Variants in CST7 observed in about 807,000 individuals in gnomAD.
The protein encoded by CST7 is cystatin F.
In CST7, 15 loss-of-function variants were observed where a neutral mutation model predicts 13.1. The ratio of observed to expected loss-of-function variants is 1.14; its 90% CI spans 0.77 to 1.76. The LOEUF (loss-of-function observed/expected upper bound fraction) is 1.76, where lower values mean the gene tolerates loss of function less well. Among genes scored for constraint, CST7 ranks in the 40% most tolerant of loss-of-function variants. The probability of loss-of-function intolerance (pLI) is 0.00; values close to 1 mark genes in which losing one functional copy is unlikely to be tolerated. For missense variants in CST7, 193 were observed against 178.8 expected, an observed-to-expected ratio of 1.08 and a Z score of -0.45; for synonymous variants, 75 against 66.9, an observed-to-expected ratio of 1.12 and a Z score of -0.59.
intron 1 of CST7, among the ~76,000 whole-genome samples, chr20:24,953,688 C>A (rs975326043): frequency 6.6e-6 from 1 of 152,194 alleles, no homozygotes; most frequent in African/African-American, 2.4e-5. Context: ...CCCTCCCACC[C>A]CGCATTAGAA....
At chr20:24,957,197 A>G (rs2087863829) in intron 1 of CST7, 90 bp from the exon 2 acceptor site, 2 of 1,349,610 alleles carry the variant, frequency 1.5e-6, no homozygotes, top group East Asian at 4.6e-5. Flanking sequence ...GCCAGCAGAG[A>G]ACTGAGCATC....
At position 24,957,366 on chromosome 20, in the gene CST7, C is replaced by A. The variant is rs1265300162; in HGVS notation, c.150C>A (p.Leu50=). The change falls in exon 2 of 4, where the codon CTC becomes CTA. Residue 50 remains leucine, a synonymous_variant. Transcript: ENST00000480798. The stretch of plus-strand genomic sequence containing the variant: ...TAAAGACCAATGACCCAGGAGTCCT[C>A]CAAGCAGCCAGATACAGTGTTGAAA... ...KTIKTNDPGV[L]QAARYSVEKF... 6.2e-7 allele frequency: 1 copy of A among 1,613,680 alleles called. No homozygotes were observed. Among genetic ancestry groups the A allele is most frequent in the Admixed American group, 1.7e-5 (1 of 59,980 alleles).
At chr20:24,951,083 G>A (rs1476803683) in intron 1 of CST7, among the ~76,000 whole-genome samples, 1 of 152,132 alleles carries the variant, frequency 6.6e-6, no homozygotes, top group African/African-American at 2.4e-5. Flanking sequence ...TCATTTTCCT[G>A]GGTGGTGTTC....
chr20:24,957,240 G>T, intron 1 of CST7, 47 bp from the exon 2 acceptor site: 1 of 1,583,768 alleles, frequency 6.3e-7, no homozygotes, highest in Non-Finnish European at 8.6e-7. Context: ...CTGGACTGAA[G>T]GCCCCACTAA....
Position 24,949,393 on chromosome 20 carries a change from C to T in CST7, c.-113C>T. 1 of 1,599,446 alleles carries T rather than the reference C, an allele frequency of 6.3e-7. No individual in the cohort carries two copies. Among genetic ancestry groups the T allele is most frequent in the Non-Finnish European group, 8.5e-7 (1 of 1,172,048 alleles). ...GCCCCCACCTGCCCTGCGCCATCTA[C>T]CCAAGAAGGCTCGGCACGGGCACCA... On this transcript the variant is annotated 5_prime_UTR_variant, in exon 1 of 4. Transcript: ENST00000480798.
At chr20:24,953,738 T>C (rs2087835329) in intron 1 of CST7, among the ~76,000 whole-genome samples, 2 of 152,196 alleles carry the variant, frequency 1.3e-5, no homozygotes, top group Admixed American at 1.3e-4. Context: ...GGCAGGCTCC[T>C]GGTGCGAGCC....
intron 3 of CST7, among the ~76,000 whole-genome samples, chr20:24,959,391 T>A (rs2087881282): frequency 2.0e-5 from 3 of 152,128 alleles, no homozygotes; most frequent in Non-Finnish European, 2.9e-5. Flanking sequence ...ATCATATGTA[T>A]ATCATATATA....
At chr20:24,952,339 C>T (rs2087824927) in intron 1 of CST7, among the ~76,000 whole-genome samples, 1 of 152,206 alleles carries the variant, frequency 6.6e-6, no homozygotes, top group Non-Finnish European at 1.5e-5. Context: ...AATTCAAACT[C>T]CGGGTGTGTC....
chr20:24,954,898 A>AT (rs895114658), intron 1 of CST7, among the ~76,000 whole-genome samples: 9 of 152,134 alleles, frequency 5.9e-5, no homozygotes, highest in Admixed American at 5.9e-4. Context: ...AAAAATAATT[A>AT]TTTTTTGTTA....
At position 24,957,443 on chromosome 20, in the gene CST7, C is replaced by T; in HGVS notation, c.227C>T (p.Thr76Ile). Residue 76 changes from threonine (T) to isoleucine (I), a missense_variant, in exon 2 of 4, where the codon ACA becomes ATA. By Grantham distance (89) the Thr-to-Ile change is moderately conservative (BLOSUM62 -1). Transcript: ENST00000480798. Reference sequence around the variant, plus strand: ...TTCTTGTTCAAGGAGTCCCGCATCACAAGGGCCCTAGTTCAGGTAACGGTC... The same window carrying T: ...TTCTTGTTCAAGGAGTCCCGCATCATAAGGGCCCTAGTTCAGGTAACGGTC... Reference protein sequence around the residue: ...DMFLFKESRITRALVQIVKGL... With the variant: ...DMFLFKESRIIRALVQIVKGL... 1 of 1,613,646 alleles carries T rather than the reference C, an allele frequency of 6.2e-7. No individual in the cohort carries two copies. Among genetic ancestry groups the T allele is most frequent in the South Asian group, 1.1e-5 (1 of 91,076 alleles).
At chr20:24,957,186 C>T (rs6050205) in intron 1 of CST7, 101 bp from the exon 2 acceptor site, 117,180 of 1,224,908 alleles carry the variant, frequency 0.096, 6,027 homozygotes, top group African/African-American at 0.11. Flanking sequence ...AGGACACACA[C>T]GCCAGCAGAG....
Position 24,959,756 on chromosome 20 carries a change from A to G in CST7, c.*44A>G, listed in dbSNP as rs772549635. On this transcript the variant is annotated 3_prime_UTR_variant, in exon 4 of 4. Transcript: ENST00000480798. ...GACCACAGCCATGACAAACACCAGG[A>G]TGCATGCTCCTTGTCCCCTCCCACC... 3 of 1,584,958 alleles carry G rather than the reference A, an allele frequency of 1.9e-6. No individual in the cohort carries two copies. The highest frequency in any genetic ancestry group is 2.6e-6 in the Non-Finnish European group (3 of 1,153,708).
chr20:24,954,661 G>A (rs2087842053), intron 1 of CST7, among the ~76,000 whole-genome samples: 2 of 152,038 alleles, frequency 1.3e-5, no homozygotes, highest in Admixed American at 1.3e-4. Flanking sequence ...CTACATTTTA[G>A]GAAACATGTA....
intron 1 of CST7, among the ~76,000 whole-genome samples, chr20:24,953,119 A>T: frequency 6.6e-6 from 1 of 152,200 alleles, no homozygotes; most frequent in East Asian, 1.9e-4. Context: ...CTGGCCTGGC[A>T]GCTTCACATC....
chr20:24,953,887 C>T (rs1431432476), intron 1 of CST7, among the ~76,000 whole-genome samples: 2 of 152,106 alleles, frequency 1.3e-5, no homozygotes, highest in Non-Finnish European at 2.9e-5. Context: ...TTGACGTCAT[C>T]GCGGCCATCA....
At chr20:24,951,015 C>T (rs552166321) in intron 1 of CST7, among the ~76,000 whole-genome samples, 101 of 152,340 alleles carry the variant, frequency 6.6e-4, no homozygotes, top group African/African-American at 2.2e-3. Flanking sequence ...TCTCACGGAG[C>T]AGGCTAGGGA....
intron 3 of CST7, 106 bp downstream of exon 3, chr20:24,959,150 A>C (rs1457917156): frequency 2.2e-6 from 2 of 898,106 alleles, no homozygotes; most frequent in Non-Finnish European, 3.6e-6. Context: ...AGCGCCCCAA[A>C]CCTCACCCCT....
At chr20:24,956,523 G>A (rs1442056953) in intron 1 of CST7, among the ~76,000 whole-genome samples, 1 of 152,088 alleles carries the variant, frequency 6.6e-6, no homozygotes, top group African/African-American at 2.4e-5. Flanking sequence ...TCCAAATATA[G>A]CCCTCCTTGG....
intron 1 of CST7, among the ~76,000 whole-genome samples, chr20:24,950,977 C>A (rs185154579): frequency 7.2e-4 from 109 of 152,336 alleles, no homozygotes; most frequent in African/African-American, 2.4e-3. Context: ...AACCTACTGA[C>A]TGCTGAGGGG....
Sources: gnomAD v4.1 joint callset for allele counts (sites outside exome capture counted in the v4.1 genomes callset) on GRCh38, gnomAD v4.1.1 for gene constraint, MANE v1.5 for transcripts, NCBI Gene and HGNC (gene_info 2026-07-23, HGNC 2026-07-21) for gene names.